UNC5D: variants seen among roughly 807,000 people sequenced by gnomAD.
UNC5D encodes unc-5 netrin receptor D.
UNC5D carries 39 observed loss-of-function variants against 105.4 expected under a neutral mutation model. The observed-to-expected ratio is 0.37, with a 90% CI of 0.29 to 0.48. The LOEUF (loss-of-function observed/expected upper bound fraction) is 0.48, where lower values mean the gene tolerates loss of function less well. Ranked by LOEUF, UNC5D falls within the 20% of genes least tolerant of loss-of-function variation. UNC5D has a pLI of 0.98. For synonymous variants in UNC5D, 452 were observed against 450.4 expected (o/e 1.00, Z -0.04); for missense variants, 991 against 1,202.4 (o/e 0.82, Z 2.60).
At chr8:35,565,572 TTTTAAG>T (rs1374696481) in intron 2 of UNC5D, among the ~76,000 whole-genome samples, 21 of 152,322 alleles carry the variant, frequency 1.4e-4, no homozygotes, top group African/African-American at 5.0e-4. Flanking sequence ...GTGGAAAAGC[TTTTAAG>T]TTTAAGTCTC....
intron 4 of UNC5D, among the ~76,000 whole-genome samples, chr8:35,614,856 T>A (rs566672609): frequency 5.3e-5 from 8 of 152,188 alleles, no homozygotes; most frequent in Admixed American, 4.6e-4. Context: ...CTAATTGGTG[T>A]TTATTTTCCT....
intron 1 of UNC5D, among the ~76,000 whole-genome samples, chr8:35,442,944 C>T (rs1329367157): frequency 6.6e-6 from 1 of 151,194 alleles, no homozygotes; most frequent in Non-Finnish European, 1.5e-5. Context: ...ACAACACACA[C>T]ACACCACTGT....
At chr8:35,788,052 C>T (rs144947049) in intron 16 of UNC5D, among the ~76,000 whole-genome samples, 11 of 152,126 alleles carry the variant, frequency 7.2e-5, no homozygotes, top group Admixed American at 5.9e-4. Context: ...GTTTTTAAGC[C>T]GGCCTTTTCT....
chr8:35,421,057 C>T (rs1805867571), intron 1 of UNC5D, among the ~76,000 whole-genome samples: 1 of 152,092 alleles, frequency 6.6e-6, no homozygotes, highest in Non-Finnish European at 1.5e-5. Context: ...CCTCTCCATT[C>T]CCTCCATCCA....
chr8:35,459,073 T>C (rs1437349690), intron 1 of UNC5D, among the ~76,000 whole-genome samples: 1 of 152,168 alleles, frequency 6.6e-6, no homozygotes, highest in Non-Finnish European at 1.5e-5. Context: ...GTCCATGAGC[T>C]GGTTGGTTAT....
At chr8:35,307,779 C>T (rs1319282039) in intron 1 of UNC5D, among the ~76,000 whole-genome samples, 8 of 152,058 alleles carry the variant, frequency 5.3e-5, no homozygotes, top group Admixed American at 5.2e-4. Context: ...CCTTGCCTTC[C>T]TACACATGCA....
At chr8:35,406,013 T>A (rs1015975375) in intron 1 of UNC5D, among the ~76,000 whole-genome samples, 2 of 152,170 alleles carry the variant, frequency 1.3e-5, no homozygotes, top group African/African-American at 2.4e-5. Context: ...CTAAATTTGT[T>A]AATGTAGCAT....
chr8:35,570,765 C>T (rs1817662310), intron 3 of UNC5D, among the ~76,000 whole-genome samples: 1 of 151,454 alleles, frequency 6.6e-6, no homozygotes, highest in Non-Finnish European at 1.5e-5. Context: ...ACCAGCCTGA[C>T]CAACATGGAG....
At chr8:35,611,267 GCT>G (rs1359943793) in intron 4 of UNC5D, among the ~76,000 whole-genome samples, 1 of 151,986 alleles carries the variant, frequency 6.6e-6, no homozygotes, top group East Asian at 1.9e-4. Context: ...ACTCCCGTGA[GCT>G]CTACCTCTCC....
chr8:35,252,187 T>C (rs927841980), intron 1 of UNC5D, among the ~76,000 whole-genome samples: 3 of 152,104 alleles, frequency 2.0e-5, no homozygotes, highest in African/African-American at 7.2e-5. Context: ...TCTTTATTTA[T>C]GAAAAGCCCC....
At chr8:35,627,362 A>T (rs1821751007) in intron 4 of UNC5D, among the ~76,000 whole-genome samples, 2 of 152,298 alleles carry the variant, frequency 1.3e-5, no homozygotes, top group South Asian at 4.1e-4. Flanking sequence ...TCCTGCAGTG[A>T]CAGAGAATCA....
chr8:35,314,892 A>C (rs1418132986), intron 1 of UNC5D, among the ~76,000 whole-genome samples: 2 of 152,212 alleles, frequency 1.3e-5, no homozygotes, highest in African/African-American at 4.8e-5. Context: ...GAATTCACAG[A>C]AGGGATATTA....
intron 1 of UNC5D, among the ~76,000 whole-genome samples, chr8:35,419,842 C>T (rs1367502330): frequency 4.6e-5 from 7 of 152,046 alleles, no homozygotes; most frequent in African/African-American, 1.2e-4. Flanking sequence ...GCATGGACAA[C>T]GGAGAGTGAG....
chr8:35,487,184 T>C (rs1391065211), intron 1 of UNC5D, among the ~76,000 whole-genome samples: 1 of 149,318 alleles, frequency 6.7e-6, no homozygotes, highest in Non-Finnish European at 1.5e-5. Flanking sequence ...GAATGCCTCA[T>C]GAAATTGAGA....
chr8:35,612,015 G>A lies in UNC5D; in HGVS notation c.570+16358G>A, dbSNP rs183616371. 2.0e-5 allele frequency among the ~76,000 whole-genome samples: 3 copies of A among 152,178 alleles called. No individual in the cohort carries two copies. The East Asian group carries it at 5.8e-4, about 29-fold the overall frequency. Reference sequence around the variant, plus strand: ...AATCTTAACAGGTTATATTTGCCTTGGACAATAAAAGTTGCCATAAAGGCT... The same window carrying A: ...AATCTTAACAGGTTATATTTGCCTTAGACAATAAAAGTTGCCATAAAGGCT... On this transcript the variant is annotated intron_variant, in intron 4 of 16. Transcript: ENST00000404895.
At chr8:35,430,752 C>T (rs1563410975) in intron 1 of UNC5D, among the ~76,000 whole-genome samples, 3 of 152,140 alleles carry the variant, frequency 2.0e-5, no homozygotes, top group African/African-American at 4.8e-5. Context: ...TGCATGAGAA[C>T]AGAGGAAAAA....
intron 4 of UNC5D, among the ~76,000 whole-genome samples, chr8:35,675,991 G>C (rs1825186976): frequency 6.6e-6 from 1 of 151,578 alleles, no homozygotes; most frequent in African/African-American, 2.4e-5. Context: ...GTTAAGCCAG[G>C]TCTCAGGTAA....
chr8:35,647,388 T>TTGTGTGTGTGTG (rs10630575), intron 4 of UNC5D, among the ~76,000 whole-genome samples: 14 of 147,430 alleles, frequency 9.5e-5, no homozygotes, highest in Admixed American at 4.8e-4. Context: ...TCCTGTGTAT[T>TTGTGTGTGTGTG]TGTGTGTGTG....
intron 16 of UNC5D, among the ~76,000 whole-genome samples, chr8:35,790,015 G>A (rs572934082): frequency 6.6e-6 from 1 of 152,052 alleles, no homozygotes; most frequent in South Asian, 2.1e-4. Flanking sequence ...TTGGGAGGCT[G>A]AGGCAAGAGG....
Sources: allele counts gnomAD v4.1 joint callset (sites outside exome capture counted in the v4.1 genomes callset), GRCh38; gene constraint gnomAD v4.1.1; transcripts MANE v1.5; gene names NCBI Gene and HGNC (gene_info 2026-07-23, HGNC 2026-07-21).